DNAAF4: variants seen among roughly 807,000 people sequenced by gnomAD.
The protein encoded by DNAAF4 is dynein assembly factor 4, axonemal.
In DNAAF4, 43 loss-of-function variants were observed where a neutral mutation model predicts 51.8. The ratio of observed to expected loss-of-function variants is 0.83; its 90% CI spans 0.65 to 1.07. The LOEUF (loss-of-function observed/expected upper bound fraction) is 1.07. Among genes scored for constraint, DNAAF4 ranks in the 50% least tolerant of loss-of-function variants. The pLI is 0.00. For synonymous variants in DNAAF4, 194 were observed against 165.6 expected (o/e 1.17, Z -1.32); for missense variants, 581 against 493.0 (o/e 1.18, Z -1.69).
intron 1 of DNAAF4, among the ~76,000 whole-genome samples, chr15:55,504,769 C>T (rs1010656054): frequency 4.6e-5 from 7 of 152,200 alleles, no homozygotes; most frequent in Admixed American, 2.0e-4. Flanking sequence ...CAAAAATTAA[C>T]TCAAGATGGA....
intron 6 of DNAAF4, among the ~76,000 whole-genome samples, chr15:55,447,880 G>A (rs1224424135): frequency 1.3e-5 from 2 of 150,596 alleles, no homozygotes; most frequent in African/African-American, 4.9e-5. Flanking sequence ...GGAGAGGGGA[G>A]AGGGGAGCCC....
chr15:55,465,437 C>T (rs966961663), intron 5 of DNAAF4, among the ~76,000 whole-genome samples: 3 of 151,344 alleles, frequency 2.0e-5, no homozygotes, highest in Non-Finnish European at 2.9e-5. Context: ...CACATACAAT[C>T]ATGGAATGCT....
At chr15:55,481,494 C>T (rs940882843) in intron 4 of DNAAF4, among the ~76,000 whole-genome samples, 10 of 152,144 alleles carry the variant, frequency 6.6e-5, no homozygotes, top group Non-Finnish European at 1.5e-4. Context: ...ACCTAGAGAA[C>T]ATTAAGCTTC....
At chr15:55,434,479 T>C (rs1453524308) in intron 8 of DNAAF4, among the ~76,000 whole-genome samples, 1 of 152,040 alleles carries the variant, frequency 6.6e-6, no homozygotes, top group Non-Finnish European at 1.5e-5. Flanking sequence ...CAGTAAATAT[T>C]AGTAATGGAA....
chr15:55,432,745 A>C (rs1595889408), intron 8 of DNAAF4, 143 bp from the exon 9 acceptor site: 2 of 601,880 alleles, frequency 3.3e-6, no homozygotes, highest in East Asian at 2.9e-5. Flanking sequence ...CAGGATTTTG[A>C]GACCAGCCTG....
chr15:55,468,247 G>A (rs996860131), intron 4 of DNAAF4, among the ~76,000 whole-genome samples: 8 of 152,242 alleles, frequency 5.3e-5, no homozygotes, highest in South Asian at 2.1e-4. Context: ...TTAACATTAC[G>A]AGTATGAAAC....
At chr15:55,449,282 G>T (rs945500003) in intron 6 of DNAAF4, among the ~76,000 whole-genome samples, 1 of 150,912 alleles carries the variant, frequency 6.6e-6, no homozygotes, top group Non-Finnish European at 1.5e-5. Flanking sequence ...GAGCCACCAC[G>T]CCCGGCTTGT....
At chr15:55,451,027 G>A (rs1157121108) in intron 5 of DNAAF4, among the ~76,000 whole-genome samples, 4 of 152,198 alleles carry the variant, frequency 2.6e-5, no homozygotes, top group Non-Finnish European at 4.4e-5. Flanking sequence ...AACCTGGGAG[G>A]TGGAGGTTGC....
chr15:55,423,868 C>T (rs958829612), intron 7 of DNAAF4, among the ~76,000 whole-genome samples: 1 of 152,098 alleles, frequency 6.6e-6, no homozygotes, highest in African/African-American at 2.4e-5. Context: ...GTGGGCAAAT[C>T]GCCAGAGGTC....
rs574662399 is a variant in DNAAF4, at chr15:55,473,136, A to G, written c.406-5975T>C. Among the ~76,000 whole-genome samples, 37 of 148,392 alleles carry G rather than the reference A, an allele frequency of 2.5e-4. 1 individual carries two copies. The highest frequency in any genetic ancestry group is 8.9e-4 in the African/African-American group (36 of 40,424). Reference sequence around the variant, plus strand: ...AGCCGAGACTGCGCCACTGCATTCCAGCCTGGGTAACAGAGTGAGAGGCCA... The same window carrying G: ...AGCCGAGACTGCGCCACTGCATTCCGGCCTGGGTAACAGAGTGAGAGGCCA... On this transcript the variant is annotated intron_variant, in intron 4 of 9. Coordinates refer to ENST00000321149, the MANE Select transcript of DNAAF4 (RefSeq NM_130810.4).
chr15:55,474,828 AAGTT>A (rs1336968147), intron 4 of DNAAF4, among the ~76,000 whole-genome samples: 2 of 151,892 alleles, frequency 1.3e-5, no homozygotes, highest in Non-Finnish European at 2.9e-5. Context: ...AAAATACAAA[AAGTT>A]AGCCAGGTGC....
intron 1 of DNAAF4, among the ~76,000 whole-genome samples, chr15:55,498,786 T>C (rs2058674379): frequency 6.6e-6 from 1 of 150,996 alleles, no homozygotes; most frequent in Admixed American, 6.6e-5. Context: ...ATGCCTGTAA[T>C]CTCAGCTACT....
chr15:55,466,201 T>C (rs2058169101), intron 5 of DNAAF4, among the ~76,000 whole-genome samples: 3 of 152,274 alleles, frequency 2.0e-5, no homozygotes, highest in East Asian at 1.9e-4. Flanking sequence ...GGCAGGCAGA[T>C]TGCTTGAGCT....
intron 4 of DNAAF4, among the ~76,000 whole-genome samples, chr15:55,474,363 G>C (rs149040197): frequency 8.6e-5 from 13 of 151,898 alleles, no homozygotes; most frequent in African/African-American, 2.7e-4. Context: ...TTGAAACCTT[G>C]TCTCTACTAA....
intron 4 of DNAAF4, among the ~76,000 whole-genome samples, chr15:55,468,234 G>T (rs1188942803): frequency 2.0e-5 from 3 of 152,142 alleles, no homozygotes; most frequent in Non-Finnish European, 4.4e-5. Flanking sequence ...TTAAAATAGA[G>T]ATTTAACATT....
At chr15:55,447,495 T>G (rs2057852352) in intron 6 of DNAAF4, among the ~76,000 whole-genome samples, 1 of 150,804 alleles carries the variant, frequency 6.6e-6, no homozygotes, top group Non-Finnish European at 1.5e-5. Flanking sequence ...CATTGAGCAT[T>G]GAGTGAGCAA....
In DNAAF4 at chr15:55,494,314, C is replaced by A. The variant is rs1567034446; in HGVS notation, c.272-3058G>T. The stretch of plus-strand genomic sequence containing the variant: ...AAAGTGCTGGGATTACAGGCGTGAG[C>A]CAGCGCGCCCGGCAAACTGAGTTTG... On this transcript the variant is annotated intron_variant, in intron 3 of 9. Transcript: ENST00000321149. 2.6e-5 allele frequency among the ~76,000 whole-genome samples: 4 copies of A among 152,160 alleles called. No individual in the cohort carries two copies. The South Asian group carries it at 8.3e-4, about 32-fold the overall frequency.
At position 55,473,307 on chromosome 15, in the gene DNAAF4, G is replaced by A. The variant is rs201515668; in HGVS notation, c.406-6146C>T. Among the ~76,000 whole-genome samples the A allele has an allele frequency of 5.4e-3, 324 of 60,368 alleles. 2 individuals carry two copies. Among genetic ancestry groups the A allele is most frequent in the African/African-American group, 0.016 (220 of 13,800 alleles). The allele number at this position is 60,368 out of a possible 152,430, so 39.6% of individuals were successfully genotyped here. A position where few individuals can be genotyped will look rare whatever the true frequency, so the allele number is the denominator to read the frequency against. On this transcript the variant is annotated intron_variant, in intron 4 of 9. Coordinates refer to ENST00000321149, the MANE Select transcript of DNAAF4 (RefSeq NM_130810.4). ...TGTGTATATATATGTGTATATATAT[G>A]TGTGTATATATGTGTGTATATATAT...
chr15:55,432,482 C>G lies in DNAAF4; in HGVS notation c.1153+15G>C. 1 of 1,600,244 alleles carries G rather than the reference C, an allele frequency of 6.2e-7. No individual in the cohort carries two copies. Among genetic ancestry groups the G allele is most frequent in the Non-Finnish European group, 8.5e-7 (1 of 1,170,678 alleles). ...GTATAACTTGGGACTTAAACCATTT[C>G]TATCAATTCCTTACCTTCTACATAC... On this transcript the variant is annotated intron_variant, in intron 9 of 9. Coordinates refer to ENST00000321149, the MANE Select transcript of DNAAF4 (RefSeq NM_130810.4).
Sources: allele counts gnomAD v4.1 joint callset (sites outside exome capture counted in the v4.1 genomes callset), GRCh38; gene constraint gnomAD v4.1.1; transcripts MANE v1.5; gene names NCBI Gene and HGNC (gene_info 2026-07-23, HGNC 2026-07-21).